Variants in NCALD observed in about 807,000 individuals in gnomAD.
NCALD encodes the protein neurocalcin-delta.
In NCALD, 10 loss-of-function variants were observed where a neutral mutation model predicts 18.6. The ratio of observed to expected loss-of-function variants is 0.54; its 90% CI spans 0.33 to 0.91. The LOEUF is 0.91. Among genes scored for constraint, NCALD ranks in the 40% least tolerant of loss-of-function variants. The pLI is 0.03. For missense variants in NCALD, 184 were observed against 247.6 expected (o/e 0.74, Z 1.72); for synonymous variants, 88 against 87.4 (o/e 1.01, Z -0.04).
At chr8:102,050,787 A>G (rs938360168) in intron 1 of NCALD, among the ~76,000 whole-genome samples, 6 of 145,708 alleles carry the variant, frequency 4.1e-5, no homozygotes, top group East Asian at 2.0e-4. Flanking sequence ...AATTTAATTA[A>G]CTAATTTTTA....
chr8:101,832,887 C>T (rs1814245719), intron 4 of NCALD, among the ~76,000 whole-genome samples: 1 of 152,142 alleles, frequency 6.6e-6, no homozygotes. Context: ...CATGTCAGCC[C>T]CTGTCTGTCC....
intron 2 of NCALD, among the ~76,000 whole-genome samples, chr8:101,945,334 T>C (rs1819125874): frequency 1.3e-5 from 2 of 152,034 alleles, no homozygotes; most frequent in South Asian, 4.1e-4. Context: ...TGGGTGGAGA[T>C]GAAGGTGGGG....
chr8:101,988,531 T>C (rs192051614), intron 2 of NCALD, among the ~76,000 whole-genome samples: 139 of 152,240 alleles, frequency 9.1e-4, no homozygotes, highest in African/African-American at 3.3e-3. Flanking sequence ...ATTCAAAAGG[T>C]TGTTATGAAG....
At chr8:101,979,079 C>G (rs547956316) in intron 2 of NCALD, among the ~76,000 whole-genome samples, 1 of 152,278 alleles carries the variant, frequency 6.6e-6, no homozygotes, top group Non-Finnish European at 1.5e-5. Flanking sequence ...GCAAGAAATG[C>G]TCAGAGAGCC....
intron 1 of NCALD, among the ~76,000 whole-genome samples, chr8:101,742,090 GA>G (rs35753528): frequency 0.62 from 90,652 of 146,954 alleles, 30,032 homozygotes; most frequent in Non-Finnish European, 0.75. Flanking sequence ...TGTCTCTACT[GA>G]AAAAAAAAAA....
intron 1 of NCALD, among the ~76,000 whole-genome samples, chr8:102,085,752 T>TAA (rs35138208): frequency 4.3e-5 from 6 of 140,622 alleles, no homozygotes; most frequent in Non-Finnish European, 4.7e-5. Flanking sequence ...ACTCTGTCTT[T>TAA]AAAAAAAAAA....
chr8:101,905,015 A>T (rs1817563378), intron 3 of NCALD, among the ~76,000 whole-genome samples: 1 of 152,216 alleles, frequency 6.6e-6, no homozygotes, highest in South Asian at 2.1e-4. Context: ...AGCCCAATTA[A>T]ATTTAAATTT....
intron 1 of NCALD, among the ~76,000 whole-genome samples, chr8:101,734,669 G>C (rs1261304401): frequency 6.6e-6 from 1 of 152,144 alleles, no homozygotes; most frequent in African/African-American, 2.4e-5. Context: ...AGTTGCAAGG[G>C]ATATATTCCC....
chr8:101,910,997 C>A (rs1335838927), intron 3 of NCALD, among the ~76,000 whole-genome samples: 1 of 152,150 alleles, frequency 6.6e-6, no homozygotes, highest in African/African-American at 2.4e-5. Flanking sequence ...GGAAAGGTTA[C>A]TTCTATTTAC....
intron 1 of NCALD, among the ~76,000 whole-genome samples, chr8:101,765,430 T>C (rs533728903): frequency 1.4e-4 from 22 of 152,266 alleles, no homozygotes; most frequent in Middle Eastern, 3.4e-3. Flanking sequence ...CCGGCTATTG[T>C]CAAACCCCGA....
chr8:102,081,735 G>A (rs56338552), intron 1 of NCALD, among the ~76,000 whole-genome samples: 27,003 of 152,016 alleles, frequency 0.18, 2,897 homozygotes, highest in African/African-American at 0.3. Context: ...ACAGAACATC[G>A]TTTGATAAAC....
At chr8:102,038,273 C>T (rs1233624701) in intron 1 of NCALD, among the ~76,000 whole-genome samples, 1 of 152,198 alleles carries the variant, frequency 6.6e-6, no homozygotes, top group African/African-American at 2.4e-5. Flanking sequence ...CCTTCCCACA[C>T]AGACTCTGCC....
At chr8:101,833,844 A>C (rs975562230) in intron 4 of NCALD, among the ~76,000 whole-genome samples, 4 of 152,168 alleles carry the variant, frequency 2.6e-5, no homozygotes, top group Non-Finnish European at 4.4e-5. Flanking sequence ...CTCTCAACTT[A>C]AGTTTTGGCT....
intron 4 of NCALD, among the ~76,000 whole-genome samples, chr8:101,874,064 T>G (rs1816127888): frequency 6.6e-6 from 1 of 152,206 alleles, no homozygotes; most frequent in African/African-American, 2.4e-5. Context: ...TTCTACATTT[T>G]GCTGCTAGAT....
At chr8:101,825,756 T>C (rs1030136844) in intron 4 of NCALD, among the ~76,000 whole-genome samples, 18 of 151,246 alleles carry the variant, frequency 1.2e-4, no homozygotes, top group African/African-American at 4.4e-4. Flanking sequence ...GGGTCAGATA[T>C]TAAACATTTT....
chr8:101,857,925 A>C (rs1187545141), intron 4 of NCALD, among the ~76,000 whole-genome samples: 1 of 152,222 alleles, frequency 6.6e-6, no homozygotes, highest in African/African-American at 2.4e-5. Flanking sequence ...AAATTAGCAA[A>C]GATACAAATA....
intron 1 of NCALD, among the ~76,000 whole-genome samples, chr8:102,076,075 T>A (rs1276769281): frequency 2.0e-5 from 3 of 151,972 alleles, no homozygotes; most frequent in Admixed American, 6.6e-5. Context: ...TGAAATATTA[T>A]AAAGGAATAT....
intron 1 of NCALD, among the ~76,000 whole-genome samples, chr8:101,784,872 A>T (rs1306174606): frequency 6.6e-6 from 1 of 152,214 alleles, no homozygotes; most frequent in Non-Finnish European, 1.5e-5. Flanking sequence ...GCCACAACAT[A>T]TAACATTAAT....
intron 2 of NCALD, among the ~76,000 whole-genome samples, chr8:101,951,111 G>A (rs1355237710): frequency 2.6e-5 from 4 of 152,134 alleles, no homozygotes; most frequent in Non-Finnish European, 5.9e-5. Context: ...TTCCAATGTT[G>A]GTCTTGGTTT....
Sources: allele counts gnomAD v4.1 joint callset (sites outside exome capture counted in the v4.1 genomes callset), GRCh38; gene constraint gnomAD v4.1.1; transcripts MANE v1.5; gene names NCBI Gene and HGNC (gene_info 2026-07-23, HGNC 2026-07-21).